The following POP4 variants were observed in gnomAD, a reference collection of about 807,000 sequenced individuals.
The protein encoded by POP4 is ribonuclease P protein subunit p29.
Under a neutral mutation model 29.9 loss-of-function variants are expected in POP4, and 31 were observed. The ratio of observed to expected loss-of-function variants is 1.04; its 90% CI spans 0.78 to 1.40. The LOEUF (loss-of-function observed/expected upper bound fraction) is 1.40. POP4 is among the 40% of genes most tolerant of loss of function. The pLI is 0.00. For synonymous variants in POP4, 110 were observed against 108.2 expected, an observed-to-expected ratio of 1.02 and a Z score of -0.10; for missense variants, 286 against 282.7, an observed-to-expected ratio of 1.01 and a Z score of -0.08.
In POP4 at chr19:29,608,692, A is replaced by G; in HGVS notation, c.43A>G (p.Asn15Asp). Residue 15 changes from asparagine (N) to aspartate (D), a missense_variant, in exon 2 of 7, where the codon AAT (asparagine) becomes GAT (aspartate). Asn to Asp is a conservative substitution (Grantham distance 23). Coordinates refer to ENST00000585603, the MANE Select transcript of POP4 (RefSeq NM_006627.3). ...CCATGCATTGTCTCAGAAAGAGGCG[A>G]ATGACTCCGATGTCCAGGTCAGTTC... ...IYHALSQKEA[N>D]DSDVQPSGAQ... 6.2e-7 allele frequency: 1 copy of G among 1,614,032 alleles called. No individual in the cohort carries two copies. The highest frequency in any genetic ancestry group is 8.5e-7 in the Non-Finnish European group (1 of 1,179,912).
At position 29,610,397 on chromosome 19, in the gene POP4, G is replaced by C; in HGVS notation, c.61-12G>C. 6.5e-7 allele frequency: 1 copy of C among 1,545,612 alleles called. No homozygotes were observed. The highest frequency in any genetic ancestry group is 8.7e-7 in the Non-Finnish European group (1 of 1,144,490). On this transcript the variant is annotated splice_polypyrimidine_tract_variant and intron_variant, in intron 2 of 6. Coordinates refer to ENST00000585603, the MANE Select transcript of POP4 (RefSeq NM_006627.3). ...GGAGCAGTGAGCGCCGCACCCCCTT[G>C]TCCGCCTGCAGCCTTCAGGAGCACA...
chr19:29,610,771 C>G, intron 3 of POP4, 139 bp downstream of exon 3: 1 of 816,416 alleles, frequency 1.2e-6, no homozygotes, highest in South Asian at 1.8e-5. Flanking sequence ...AGAGGGCAGC[C>G]TTCCTTTACC....
intron 2 of POP4, chr19:29,609,338 G>C (rs1488196904): frequency 2.6e-5 from 4 of 152,374 alleles, no homozygotes; most frequent in African/African-American, 9.6e-5. Context: ...CATACTGTGA[G>C]CTCCCTCGAA....
At chr19:29,614,806 C>T (rs542999793) in intron 6 of POP4, among the ~76,000 whole-genome samples, 1 of 152,236 alleles carries the variant, frequency 6.6e-6, no homozygotes, top group East Asian at 1.9e-4. Flanking sequence ...GCCCAGCCTT[C>T]TTCCTTTAAT....
intron 1 of POP4, among the ~76,000 whole-genome samples, chr19:29,608,161 A>C (rs1971022005): frequency 6.6e-6 from 1 of 152,140 alleles, no homozygotes; most frequent in Non-Finnish European, 1.5e-5. Context: ...GCATCCAAGA[A>C]AGCTTTGCTC....
At chr19:29,615,128 A>G (rs1026183378) in intron 6 of POP4, 116 bp from the exon 7 acceptor site, 50 of 1,260,264 alleles carry the variant, frequency 4.0e-5, no homozygotes, top group Middle Eastern at 2.8e-4. Context: ...CCCGTTTCCT[A>G]TTAGCTTATT....
In POP4 at chr19:29,615,241, C is replaced by G; in HGVS notation, c.527-3C>G. 1.7e-5 allele frequency: 14 copies of G among 805,004 alleles called. No individual in the cohort carries two copies. The highest frequency in any genetic ancestry group is 5.3e-5 in the Admixed American group (1 of 18,952). 49.9% of individuals were successfully genotyped at this position (805,004 alleles called of 1,614,324 possible). ...CTCCTGCCTTTTTTTTTTTTTTTTT[C>G]AGTTATCCCCAAGCTAAACTGCGTG... is the stretch of plus-strand genomic sequence containing the variant. On this transcript the variant is annotated splice_polypyrimidine_tract_variant and splice_region_variant and intron_variant, in intron 6 of 6. Transcript: ENST00000585603.
At position 29,615,503 on chromosome 19, in the gene POP4, G is replaced by A. The variant is rs530336840; in HGVS notation, c.*123G>A. On this transcript the variant is annotated 3_prime_UTR_variant, in exon 7 of 7. Coordinates refer to ENST00000585603, the MANE Select transcript of POP4 (RefSeq NM_006627.3). ...TTATAGACCACCTCCAGCCAGTGAC[G>A]CTCCGAGTTGAGGATGTTGAACAAC... 1.8e-5 allele frequency: 19 copies of A among 1,057,666 alleles called. No homozygotes were observed. The highest frequency in any genetic ancestry group is 1.8e-5 in the South Asian group (1 of 55,324). The allele number at this position is 1,057,666 out of a possible 1,614,324, so 65.5% of individuals were successfully genotyped here.
In POP4 at chr19:29,610,560, A is replaced by T. The variant is rs770896138; in HGVS notation, c.212A>T (p.Lys71Met). 6.2e-7 allele frequency: 1 copy of T among 1,614,232 alleles called. No homozygotes were observed. Among genetic ancestry groups the T allele is most frequent in the East Asian group, 2.2e-5 (1 of 44,888 alleles). ...FTRHKRKEKKKKAKGLSARQR... is the reference protein window; with the variant it reads ...FTRHKRKEKKMKAKGLSARQR... ...CGCCACAAGCGCAAGGAGAAGAAGA[A>T]GAAAGCCAAAGGCCTCTCTGCCAGG... The change falls in exon 3 of 7, where the codon AAG becomes ATG. Residue 71 changes from lysine to methionine, a missense_variant. Lys to Met is a moderately conservative substitution (Grantham distance 95). Coordinates refer to ENST00000585603, the MANE Select transcript of POP4 (RefSeq NM_006627.3).
chr19:29,613,419 G>A lies in POP4; in HGVS notation c.425-452G>A, dbSNP rs1021053271. 3.3e-5 allele frequency among the ~76,000 whole-genome samples: 5 copies of A among 152,208 alleles called. No homozygotes were observed. The East Asian group carries it at 9.7e-4, about 29-fold the overall frequency. ...GGACGAGGGAGGGGCTGCTGCTTGTGATGGTGGCTCATCTCGCAGTGCTGG... is the reference window on the plus strand; with the variant it reads ...GGACGAGGGAGGGGCTGCTGCTTGTAATGGTGGCTCATCTCGCAGTGCTGG... On this transcript the variant is annotated intron_variant, in intron 5 of 6. Transcript: ENST00000585603.
At chr19:29,612,692 C>T (rs1415013724) in intron 5 of POP4, among the ~76,000 whole-genome samples, 1 of 152,214 alleles carries the variant, frequency 6.6e-6, no homozygotes, top group Non-Finnish European at 1.5e-5. Flanking sequence ...AGCAACCCCT[C>T]CTGGTCTTTT....
rs549926468 is a variant in POP4 at position 29,610,737 on chromosome 19, G to C, written c.284+105G>C. 190 of 1,156,152 alleles carry C rather than the reference G, an allele frequency of 1.6e-4. No individual in the cohort carries two copies. In the South Asian group the frequency reaches 2.7e-3, roughly 17 times the overall value. 71.6% of individuals were successfully genotyped at this position (1,156,152 alleles called of 1,614,324 possible). ...GCAGCCTGGCTCCACCTAAGCTAAG[G>C]GGGCCTCTCTGTCGTCTGCCACAAG... On this transcript the variant is annotated intron_variant, in intron 3 of 6. Transcript: ENST00000585603.
chr19:29,608,704 G>T lies in POP4; in HGVS notation c.55G>T (p.Val19Phe). The T allele has an allele frequency of 6.2e-7, 1 of 1,613,916 alleles. No individual in the cohort carries two copies. The highest frequency in any genetic ancestry group is 8.5e-7 in the Non-Finnish European group (1 of 1,179,806). ...LSQKEANDSD[V>F]QPSGAQRAEA... ...TCAGAAAGAGGCGAATGACTCCGAT[G>T]TCCAGGTCAGTTCTTGGCAGGGAGT... Residue 19 changes from valine to phenylalanine, a missense_variant, in exon 2 of 7, where the codon GTC becomes TTC. Physicochemically the swap from Val to Phe is conservative, Grantham distance 50. Transcript: ENST00000585603.
At chr19:29,609,571 TGAG>T (rs540156232) in intron 2 of POP4, among the ~76,000 whole-genome samples, 56 of 152,364 alleles carry the variant, frequency 3.7e-4, no homozygotes, top group East Asian at 3.3e-3. Context: ...TGCCACCAAA[TGAG>T]GAATCCGTTA....
At position 29,610,674 on chromosome 19, in the gene POP4, CCTT is replaced by C. The variant is rs1396376797; in HGVS notation, c.284+46_284+48del. The C allele has an allele frequency of 3.1e-6, 5 of 1,588,090 alleles. No individual in the cohort carries two copies. In the African/African-American group the frequency reaches 6.7e-5, roughly 21 times the overall value. On this transcript the variant is annotated intron_variant, in intron 3 of 6. Coordinates refer to ENST00000585603, the MANE Select transcript of POP4 (RefSeq NM_006627.3). ...ACGTCTTTCTGCCCGCGGTGCTTAC[CCTT>C]CTTGGTGTGTGAACTTGGCTGAGTG... is the stretch of plus-strand genomic sequence containing the variant.
chr19:29,610,443 G>C lies in POP4; in HGVS notation c.95G>C (p.Arg32Thr). Reference protein sequence around the residue: ...SGAQRAEAFVRAFLKRSTPRM... With the variant: ...SGAQRAEAFVTAFLKRSTPRM... ...GCACAGCGGGCCGAGGCCTTCGTGA[G>C]GGCCTTCCTGAAGCGCAGCACGCCC... is the stretch of plus-strand genomic sequence containing the variant. Residue 32 changes from arginine (R) to threonine (T), a missense_variant, in exon 3 of 7, where the codon AGG (arginine) becomes ACG (threonine). Physicochemically the swap from Arg to Thr is moderately conservative, Grantham distance 71. Coordinates refer to ENST00000585603, the MANE Select transcript of POP4 (RefSeq NM_006627.3). The C allele has an allele frequency of 1.3e-6, 2 of 1,586,820 alleles. No homozygotes were observed. The highest frequency in any genetic ancestry group is 1.7e-6 in the Non-Finnish European group (2 of 1,166,716).
chr19:29,614,177 A>T (rs535511198), intron 6 of POP4, among the ~76,000 whole-genome samples: 15 of 152,074 alleles, frequency 9.9e-5, no homozygotes, highest in African/African-American at 3.6e-4. Context: ...GCAGCCTGCA[A>T]CCCCGGCCAG....
At chr19:29,612,745 A>G (rs11084041) in intron 5 of POP4, among the ~76,000 whole-genome samples, 73,128 of 152,054 alleles carry the variant, frequency 0.48, 18,165 homozygotes, top group East Asian at 0.74. Context: ...GGTTGTTCAG[A>G]CCAAAAACCT....
intron 2 of POP4, chr19:29,609,345 C>T (rs180803434): frequency 2.6e-5 from 4 of 152,496 alleles, no homozygotes; most frequent in Middle Eastern, 3.4e-3. Context: ...TGAGCTCCCT[C>T]GAAGGCTATA....
Sources: allele counts gnomAD v4.1 joint callset (sites outside exome capture counted in the v4.1 genomes callset), GRCh38; gene constraint gnomAD v4.1.1; transcripts MANE v1.5; gene names NCBI Gene and HGNC (gene_info 2026-07-23, HGNC 2026-07-21).